The following PPP1R1C variants were observed in gnomAD, a reference collection of about 807,000 sequenced individuals.
The protein encoded by PPP1R1C is protein phosphatase 1 regulatory subunit 1C.
PPP1R1C carries 15 observed loss-of-function variants against 17.4 expected under a neutral mutation model. The observed-to-expected ratio is 0.86, with a 90% CI of 0.58 to 1.33. PPP1R1C has a LOEUF of 1.33. Ranked by LOEUF, PPP1R1C falls within the 40% of genes most tolerant of loss-of-function variation. The probability of loss-of-function intolerance (pLI) is 0.00; values close to 1 mark genes in which losing one functional copy is unlikely to be tolerated. For synonymous variants in PPP1R1C, 35 were observed against 43.1 expected, an observed-to-expected ratio of 0.81 and a Z score of 0.73; for missense variants, 143 against 130.0, an observed-to-expected ratio of 1.10 and a Z score of -0.48.
intron 4 of PPP1R1C, among the ~76,000 whole-genome samples, chr2:182,084,504 C>A (rs528332842): frequency 1.3e-5 from 2 of 152,070 alleles, no homozygotes; most frequent in African/African-American, 2.4e-5. Flanking sequence ...GTTTTCTCAG[C>A]GCCATTTATT....
At chr2:182,084,023 G>A (rs1688556273) in intron 4 of PPP1R1C, among the ~76,000 whole-genome samples, 1 of 152,058 alleles carries the variant, frequency 6.6e-6, no homozygotes, top group South Asian at 2.1e-4. Flanking sequence ...TAGTGATGTT[G>A]AACATTTTAA....
chr2:182,021,015 T>G (rs1686406223), intron 2 of PPP1R1C, among the ~76,000 whole-genome samples: 2 of 152,216 alleles, frequency 1.3e-5, no homozygotes, highest in Non-Finnish European at 2.9e-5. Flanking sequence ...CTCCACCCTT[T>G]GTTTTCATGA....
chr2:182,043,009 A>G (rs1687231638), intron 2 of PPP1R1C, among the ~76,000 whole-genome samples: 1 of 152,208 alleles, frequency 6.6e-6, no homozygotes, highest in Admixed American at 6.5e-5. Flanking sequence ...CTTAACCTTA[A>G]AAAATATGTA....
At chr2:182,076,074 T>A (rs1688288244) in intron 4 of PPP1R1C, among the ~76,000 whole-genome samples, 1 of 151,846 alleles carries the variant, frequency 6.6e-6, no homozygotes, top group Admixed American at 6.5e-5. Flanking sequence ...CTTATTATGT[T>A]GATTTTTGCC....
At chr2:182,091,439 A>G (rs1372525674) in intron 4 of PPP1R1C, among the ~76,000 whole-genome samples, 1 of 152,118 alleles carries the variant, frequency 6.6e-6, no homozygotes, top group African/African-American at 2.4e-5. Context: ...TGAGAAAGAG[A>G]AAGTGGAGCC....
intron 2 of PPP1R1C, among the ~76,000 whole-genome samples, chr2:182,017,648 G>A (rs555536170): frequency 6.6e-6 from 1 of 152,236 alleles, no homozygotes; most frequent in Admixed American, 6.5e-5. Context: ...TACTGTAGAT[G>A]CAGTGATGAA....
rs190037044 is a variant in PPP1R1C at position 182,103,313 on chromosome 2, T to C, written c.242-13894T>C. Among the ~76,000 whole-genome samples, 186 of 152,374 alleles carry C rather than the reference T, an allele frequency of 1.2e-3. 1 individual carries two copies. Among genetic ancestry groups the C allele is most frequent in the African/African-American group, 4.3e-3 (178 of 41,600 alleles). ...CAAGAATTTTGTTTAATATTTTTTC[T>C]CTTTCATGTAATCTGTATGAAATTG... is the stretch of plus-strand genomic sequence containing the variant. On this transcript the variant is annotated intron_variant, in intron 4 of 4. Transcript: ENST00000682840.
At chr2:182,061,384 T>C in intron 2 of PPP1R1C, 58 bp from the exon 3 acceptor site, 1 of 1,106,496 alleles carries the variant, frequency 9.0e-7, no homozygotes, top group South Asian at 1.5e-5. Flanking sequence ...AATGTTAATA[T>C]ATATATTACA....
At chr2:182,056,161 T>C (rs1687679482) in intron 2 of PPP1R1C, among the ~76,000 whole-genome samples, 1 of 152,142 alleles carries the variant, frequency 6.6e-6, no homozygotes, top group African/African-American at 2.4e-5. Context: ...CACAGATGAG[T>C]GCCTTTCTCA....
At chr2:182,071,135 A>G (rs1180476011) in intron 4 of PPP1R1C, among the ~76,000 whole-genome samples, 3 of 152,116 alleles carry the variant, frequency 2.0e-5, no homozygotes, top group Non-Finnish European at 4.4e-5. Context: ...ACTAAAGCCC[A>G]TATTTTCTTG....
rs1441403742 is a variant in PPP1R1C at position 181,986,084 on chromosome 2, C to T, written c.-27C>T. On this transcript the variant is annotated 5_prime_UTR_variant, in exon 1 of 5. Coordinates refer to ENST00000682840, the MANE Select transcript of PPP1R1C (RefSeq NM_001080545.3). Reference sequence around the variant, plus strand: ...AGGGTTAGTCTTTCTGAGCTCTTCACATCTCTGACTAATTATCATCATTAC... The same window carrying T: ...AGGGTTAGTCTTTCTGAGCTCTTCATATCTCTGACTAATTATCATCATTAC... 5 of 1,587,502 alleles carry T rather than the reference C, an allele frequency of 3.1e-6. No individual in the cohort carries two copies. Among genetic ancestry groups the T allele is most frequent in the African/African-American group, 1.3e-5 (1 of 74,400 alleles).
chr2:182,063,937 T>C (rs1000949218), intron 4 of PPP1R1C, 146 bp downstream of exon 4: 3 of 609,382 alleles, frequency 4.9e-6, no homozygotes, highest in Non-Finnish European at 9.0e-6. Context: ...TAAGATATCT[T>C]ATCTACTTAA....
At chr2:182,053,927 C>G (rs1367893324) in intron 2 of PPP1R1C, among the ~76,000 whole-genome samples, 1 of 152,038 alleles carries the variant, frequency 6.6e-6, no homozygotes, top group African/African-American at 2.4e-5. Flanking sequence ...ACTACAGGTG[C>G]CTGCCATCAC....
chr2:182,005,608 G>C (rs1153730), intron 2 of PPP1R1C, among the ~76,000 whole-genome samples: 220 of 152,258 alleles, frequency 1.4e-3, no homozygotes, highest in African/African-American at 5.0e-3. Context: ...TCTGTAACTA[G>C]GGGCATCTGT....
intron 4 of PPP1R1C, among the ~76,000 whole-genome samples, chr2:182,064,733 C>T (rs1481167190): frequency 6.6e-6 from 1 of 152,004 alleles, no homozygotes; most frequent in African/African-American, 2.4e-5. Context: ...GACTGCAGAA[C>T]ATAATACAAT....
intron 5 of PPP1R1C, among the ~76,000 whole-genome samples, chr2:182,125,799 T>A (rs887519366): frequency 2.0e-5 from 3 of 152,206 alleles, no homozygotes; most frequent in Non-Finnish European, 4.4e-5. Context: ...TCTTCCTTAT[T>A]AGTCTGGCTA....
intron 2 of PPP1R1C, among the ~76,000 whole-genome samples, chr2:182,047,604 A>G (rs766648479): frequency 6.6e-5 from 10 of 152,242 alleles, no homozygotes; most frequent in Non-Finnish European, 1.5e-4. Context: ...AAACTCCAAG[A>G]AGGCAGAAAA....
intron 3 of PPP1R1C, among the ~76,000 whole-genome samples, chr2:182,062,455 C>T (rs1309826208): frequency 2.0e-5 from 3 of 151,966 alleles, no homozygotes; most frequent in Non-Finnish European, 4.4e-5. Context: ...CAAAACCAGC[C>T]AGATGTGACT....
At chr2:181,989,694 G>T (rs914806699) in intron 2 of PPP1R1C, among the ~76,000 whole-genome samples, 5 of 151,896 alleles carry the variant, frequency 3.3e-5, no homozygotes, top group Admixed American at 1.3e-4. Flanking sequence ...AGATGGCATT[G>T]TCCCTTTTCT....
Sources: allele counts gnomAD v4.1 joint callset (sites outside exome capture counted in the v4.1 genomes callset), GRCh38; gene constraint gnomAD v4.1.1; transcripts MANE v1.5; gene names NCBI Gene and HGNC (gene_info 2026-07-23, HGNC 2026-07-21).